Variants in ADGRE1 observed in about 807,000 individuals in gnomAD.
ADGRE1 encodes adhesion G protein-coupled receptor E1.
ADGRE1 carries 82 observed loss-of-function variants against 102.7 expected under a neutral mutation model. The observed-to-expected ratio is 0.80, with a 90% confidence interval of 0.67 to 0.96. The LOEUF is 0.96. ADGRE1 is among the 40% of genes least tolerant of loss of function. The pLI, the probability that ADGRE1 is intolerant of heterozygous loss-of-function variation, is 0.00. For synonymous variants in ADGRE1, 398 were observed against 399.6 expected (o/e 1.00, Z 0.05); for missense variants, 1,032 against 1,085.3 (o/e 0.95, Z 0.69).
intron 3 of ADGRE1, 31 bp downstream of exon 3, chr19:6,896,572 A>G (rs1973559056): frequency 2.5e-6 from 4 of 1,603,648 alleles, no homozygotes; most frequent in African/African-American, 1.3e-5. Context: ...ACCATCCAGC[A>G]TTTGGTAGGA....
At chr19:6,927,638 GATTT>G (rs773476947) in intron 16 of ADGRE1, among the ~76,000 whole-genome samples, 4 of 151,866 alleles carry the variant, frequency 2.6e-5, no homozygotes, top group Non-Finnish European at 5.9e-5. Context: ...TTTGAGCTGA[GATTT>G]ATTTATTTAT....
chr19:6,890,312 T>C (rs1178456206), intron 1 of ADGRE1, among the ~76,000 whole-genome samples, 169 bp from the exon 2 acceptor site: 1 of 152,070 alleles, frequency 6.6e-6, no homozygotes, highest in African/African-American at 2.4e-5. Context: ...TTGTTAAGCT[T>C]ATGCAAAATA....
chr19:6,897,089 T>TTTCAAAA, intron 3 of ADGRE1, 60 bp from the exon 4 acceptor site: 2 of 1,259,572 alleles, frequency 1.6e-6, no homozygotes, highest in East Asian at 2.7e-5. Flanking sequence ...TTTTTTTTTT[T>TTTCAAAA]TGCAAAATAC....
intron 3 of ADGRE1, 167 bp downstream of exon 3, chr19:6,896,708 G>A: frequency 1.4e-6 from 1 of 728,680 alleles, no homozygotes; most frequent in Non-Finnish European, 2.2e-6. Context: ...GGTTAATATT[G>A]ATATGTGGGG....
chr19:6,926,545 G>A lies in ADGRE1; in HGVS notation c.2166G>A (p.Met722Ile), dbSNP rs2145000715. 1 of 1,614,254 alleles carries A rather than the reference G, an allele frequency of 6.2e-7. No homozygotes were observed. Among genetic ancestry groups the A allele is most frequent in the Non-Finnish European group, 8.5e-7 (1 of 1,180,044 alleles). Residue 722 changes from methionine (M) to isoleucine (I), a missense_variant, in exon 16 of 21, where the codon ATG (methionine) becomes ATA (isoleucine). Met to Ile is a conservative substitution (Grantham distance 10). Coordinates refer to ENST00000312053, the MANE Select transcript of ADGRE1 (RefSeq NM_001974.5). Reference protein sequence around the residue: ...HICAFGYGLPMLVVVISASVQ... With the variant: ...HICAFGYGLPILVVVISASVQ... The stretch of plus-strand genomic sequence containing the variant: ...GTGCCTTTGGTTATGGGCTGCCGAT[G>A]CTGGTGGTGGTGATCTCTGCCAGTG...
Position 6,924,760 on chromosome 19 carries a change from T to G in ADGRE1, c.1874T>G (p.Leu625Arg), listed in dbSNP as rs765532111. 10 of 1,614,062 alleles carry G rather than the reference T, an allele frequency of 6.2e-6. No individual in the cohort carries two copies. The highest frequency in any genetic ancestry group is 7.6e-6 in the Non-Finnish European group (9 of 1,180,050). Residue 625 changes from leucine to arginine, a missense_variant, in exon 15 of 21, where the codon CTG becomes CGG. Leu to Arg is a moderately radical substitution (Grantham distance 102, BLOSUM62 -2). Transcript: ENST00000312053. ...CTCGTCTTGGCCATCGCCACCTTTC[T>G]GCTGTGTCGCTCCATCCGAAATCAC... Reference protein sequence around the residue: ...VCLVLAIATFLLCRSIRNHNT... With the variant: ...VCLVLAIATFRLCRSIRNHNT...
intron 2 of ADGRE1, among the ~76,000 whole-genome samples, chr19:6,893,285 C>T (rs1973440804): frequency 6.6e-6 from 1 of 152,136 alleles, no homozygotes; most frequent in Non-Finnish European, 1.5e-5. Flanking sequence ...ACAACCTCCG[C>T]CTCCCCAGTT....
rs557685075 is a variant in ADGRE1, at chr19:6,890,926, C to CA, written c.94+392dup. ...TTTACTCAAACTACAACTCAATGTG[C>CA]AAAAAAAAAGTGACTTCTTTATGTT... On this transcript the variant is annotated intron_variant, in intron 2 of 20. Transcript: ENST00000312053. Among the ~76,000 whole-genome samples, 474 of 149,762 alleles carry CA rather than the reference C, an allele frequency of 3.2e-3. 1 individual carries two copies. Among genetic ancestry groups the CA allele is most frequent in the African/African-American group, 0.011 (441 of 40,872 alleles).
intron 15 of ADGRE1, among the ~76,000 whole-genome samples, chr19:6,925,941 G>C (rs962611977): frequency 6.6e-6 from 1 of 151,916 alleles, no homozygotes; most frequent in African/African-American, 2.4e-5. Context: ...TGAGCGATCT[G>C]CCTGCCTCAG....
chr19:6,916,246 T>C lies in ADGRE1; in HGVS notation c.1301-3T>C, dbSNP rs779701643. 6 of 1,610,556 alleles carry C rather than the reference T, an allele frequency of 3.7e-6. No individual in the cohort carries two copies. Among genetic ancestry groups the C allele is most frequent in the Non-Finnish European group, 5.1e-6 (6 of 1,178,050 alleles). On this transcript the variant is annotated splice_polypyrimidine_tract_variant and splice_region_variant and intron_variant, in intron 11 of 20. Coordinates refer to ENST00000312053, the MANE Select transcript of ADGRE1 (RefSeq NM_001974.5). ...CATACGAACTCTCCCTTTCTCTTTT[T>C]AGACATTGAGAGCAAAGTTATCAAC... is the stretch of plus-strand genomic sequence containing the variant.
At chr19:6,908,603 T>G in intron 9 of ADGRE1, 86 bp from the exon 10 acceptor site, 1 of 1,243,930 alleles carries the variant, frequency 8.0e-7, no homozygotes. Flanking sequence ...TGATGGGCTT[T>G]ATGGGCTAAT....
chr19:6,890,978 C>T (rs1217377315), intron 2 of ADGRE1, among the ~76,000 whole-genome samples: 3 of 152,112 alleles, frequency 2.0e-5, no homozygotes, highest in Non-Finnish European at 4.4e-5. Context: ...TCTACATAAA[C>T]TCTTGCTGGA....
intron 17 of ADGRE1, among the ~76,000 whole-genome samples, chr19:6,934,415 TCTTC>T (rs139936124): frequency 0.081 from 10,117 of 124,512 alleles, 665 homozygotes; most frequent in African/African-American, 0.25. Flanking sequence ...TTCTTCTTCT[TCTTC>T]TTTTTTTTTT....
intron 9 of ADGRE1, among the ~76,000 whole-genome samples, chr19:6,906,922 A>AAGAGAG (rs1225176291): frequency 6.6e-6 from 1 of 152,136 alleles, no homozygotes; most frequent in African/African-American, 2.4e-5. Context: ...GGAAGCTGGG[A>AAGAGAG]AGAGAGAATG....
chr19:6,932,778 C>T (rs747142517), intron 17 of ADGRE1, among the ~76,000 whole-genome samples: 1 of 152,192 alleles, frequency 6.6e-6, no homozygotes, highest in Non-Finnish European at 1.5e-5. Context: ...TTTCTACTTC[C>T]TTGAAATGCC....
chr19:6,910,816 AC>A (rs1235595403), intron 10 of ADGRE1, among the ~76,000 whole-genome samples: 1 of 151,876 alleles, frequency 6.6e-6, no homozygotes, highest in East Asian at 1.9e-4. Context: ...CAGGTGATCC[AC>A]CCACCTCAGC....
chr19:6,903,686 G>C (rs1973848344), intron 6 of ADGRE1, 124 bp from the exon 7 acceptor site: 26 of 1,266,968 alleles, frequency 2.1e-5, no homozygotes, highest in South Asian at 5.4e-5. Flanking sequence ...AGGGTTCTAG[G>C]AAATGTAGTC....
intron 17 of ADGRE1, among the ~76,000 whole-genome samples, chr19:6,930,275 G>T (rs1975082946): frequency 6.6e-6 from 1 of 152,126 alleles, no homozygotes; most frequent in Non-Finnish European, 1.5e-5. Flanking sequence ...AGAGGGAAAT[G>T]GTGGATCGAG....
intron 12 of ADGRE1, among the ~76,000 whole-genome samples, chr19:6,917,601 G>A (rs1339426641): frequency 6.6e-6 from 1 of 152,050 alleles, no homozygotes; most frequent in African/African-American, 2.4e-5. Context: ...TGAGCCTGGT[G>A]TGGTGGCGGG....
Sources: gnomAD v4.1 joint callset for allele counts (sites outside exome capture counted in the v4.1 genomes callset) on GRCh38, gnomAD v4.1.1 for gene constraint, MANE v1.5 for transcripts, NCBI Gene and HGNC (gene_info 2026-07-23, HGNC 2026-07-21) for gene names.